TBC1D22A: variants seen among roughly 807,000 people sequenced by gnomAD.
The protein encoded by TBC1D22A is putative GTPase activator.
In TBC1D22A, 38 loss-of-function variants were observed where a neutral mutation model predicts 60.2. That is an observed-to-expected ratio of 0.63 (90% CI 0.49 to 0.83). The LOEUF is 0.83. TBC1D22A is among the 40% of genes least tolerant of loss of function. The pLI, the probability that TBC1D22A is intolerant of heterozygous loss-of-function variation, is 0.00. For synonymous variants in TBC1D22A, 302 were observed against 281.7 expected (o/e 1.07, Z -0.72); for missense variants, 628 against 701.0 (o/e 0.90, Z 1.18).
At chr22:46,904,100 T>TCAATCA (rs1181616506) in intron 7 of TBC1D22A, among the ~76,000 whole-genome samples, 4 of 48,548 alleles carry the variant, frequency 8.2e-5, no homozygotes, top group African/African-American at 2.0e-4. Flanking sequence ...AAATAAAATC[T>TCAATCA]ATCTATCTAT....
chr22:46,820,105 G>A (rs866543192), intron 4 of TBC1D22A, among the ~76,000 whole-genome samples: 17 of 152,032 alleles, frequency 1.1e-4, no homozygotes, highest in South Asian at 8.3e-4. Flanking sequence ...ACTTTTTATC[G>A]TGTCTCTTTG....
chr22:46,858,530 T>A (rs1441237709), intron 4 of TBC1D22A, among the ~76,000 whole-genome samples: 2 of 152,174 alleles, frequency 1.3e-5, no homozygotes, highest in Non-Finnish European at 2.9e-5. Flanking sequence ...ACGTTTCATG[T>A]TTATGATGAA....
At chr22:47,152,719 A>G (rs1411877730) in intron 12 of TBC1D22A, among the ~76,000 whole-genome samples, 1 of 152,242 alleles carries the variant, frequency 6.6e-6, no homozygotes, top group Non-Finnish European at 1.5e-5. Flanking sequence ...GTGATGAGAA[A>G]GGTGGCGTTT....
intron 4 of TBC1D22A, among the ~76,000 whole-genome samples, chr22:46,826,293 C>T (rs2086063420): frequency 6.6e-6 from 1 of 152,196 alleles, no homozygotes; most frequent in South Asian, 2.1e-4. Context: ...CCACACTTTC[C>T]TGGCCGCCCC....
intron 10 of TBC1D22A, among the ~76,000 whole-genome samples, chr22:47,011,085 A>G (rs1056729049): frequency 6.6e-6 from 1 of 152,130 alleles, no homozygotes; most frequent in Non-Finnish European, 1.5e-5. Context: ...CCATCCCCGT[A>G]CTCAGAGTCC....
intron 11 of TBC1D22A, among the ~76,000 whole-genome samples, chr22:47,098,738 CCT>C (rs1243160158): frequency 6.6e-6 from 1 of 152,238 alleles, no homozygotes; most frequent in African/African-American, 2.4e-5. Context: ...TCTGGAGGTT[CCT>C]CCCTGTTGCC....
chr22:47,038,703 C>A (rs569350799), intron 11 of TBC1D22A, among the ~76,000 whole-genome samples: 2 of 152,310 alleles, frequency 1.3e-5, no homozygotes, highest in East Asian at 3.9e-4. Flanking sequence ...GTCCTGTATT[C>A]TGACTTTGCT....
At chr22:46,816,039 G>C (rs1301664530) in intron 4 of TBC1D22A, among the ~76,000 whole-genome samples, 2 of 152,216 alleles carry the variant, frequency 1.3e-5, no homozygotes, top group East Asian at 3.8e-4. Flanking sequence ...TCATTTCCCT[G>C]CCTACAGTTC....
intron 11 of TBC1D22A, among the ~76,000 whole-genome samples, chr22:47,099,413 C>T (rs1253964653): frequency 6.6e-6 from 1 of 151,638 alleles, no homozygotes; most frequent in Non-Finnish European, 1.5e-5. Flanking sequence ...AGACAGTGAG[C>T]AGCCTCGTCC....
At chr22:47,001,724 C>G (rs2061417509) in intron 10 of TBC1D22A, among the ~76,000 whole-genome samples, 1 of 152,050 alleles carries the variant, frequency 6.6e-6, no homozygotes, top group South Asian at 2.1e-4. Flanking sequence ...TTTATATAAT[C>G]TTTTGGAATA....
chr22:46,782,772 G>C (rs2083996718), intron 1 of TBC1D22A, among the ~76,000 whole-genome samples: 1 of 152,120 alleles, frequency 6.6e-6, no homozygotes, highest in South Asian at 2.1e-4. Context: ...CATGTTGTCA[G>C]GATTCACCCA....
intron 9 of TBC1D22A, among the ~76,000 whole-genome samples, chr22:46,985,143 T>G (rs2074674578): frequency 6.6e-6 from 1 of 152,252 alleles, no homozygotes; most frequent in African/African-American, 2.4e-5. Flanking sequence ...ACTGGTCTGA[T>G]GCCCAGGAAG....
chr22:46,839,728 TA>T (rs1256828588), intron 4 of TBC1D22A, among the ~76,000 whole-genome samples: 1 of 152,250 alleles, frequency 6.6e-6, no homozygotes, highest in African/African-American at 2.4e-5. Flanking sequence ...AACAGTATGA[TA>T]TTGGCATAAA....
At chr22:46,802,082 C>A (rs1239179137) in intron 4 of TBC1D22A, among the ~76,000 whole-genome samples, 1 of 152,226 alleles carries the variant, frequency 6.6e-6, no homozygotes, top group Non-Finnish European at 1.5e-5. Context: ...GCTCAACCTA[C>A]CTGTTTCGTC....
intron 8 of TBC1D22A, among the ~76,000 whole-genome samples, chr22:46,964,330 T>C (rs902791543): frequency 6.6e-6 from 1 of 152,196 alleles, no homozygotes; most frequent in Non-Finnish European, 1.5e-5. Context: ...CTTCTGGGCA[T>C]GTGGAGGCCC....
intron 9 of TBC1D22A, among the ~76,000 whole-genome samples, chr22:46,979,546 T>C (rs1256559406): frequency 6.6e-6 from 1 of 152,232 alleles, no homozygotes; most frequent in East Asian, 1.9e-4. Flanking sequence ...CCCTCAGGCT[T>C]TCCGTGTTCT....
In TBC1D22A at chr22:47,147,471, G is replaced by T. The variant is rs553342516; in HGVS notation, c.1426-26027G>T. On this transcript the variant is annotated intron_variant, in intron 12 of 12. Coordinates refer to ENST00000337137, the MANE Select transcript of TBC1D22A (RefSeq NM_014346.5). ...TGGTGGTCTGTCGGAGGGCTCCCCAGGGGGCTGCGGTCCTCCAACACACAC... is the reference window on the plus strand; with the variant it reads ...TGGTGGTCTGTCGGAGGGCTCCCCATGGGGCTGCGGTCCTCCAACACACAC... Among the ~76,000 whole-genome samples, 548 of 152,312 alleles carry T rather than the reference G, an allele frequency of 3.6e-3. 1 individual carries two copies. Among genetic ancestry groups the T allele is most frequent in the Non-Finnish European group, 5.9e-3 (404 of 68,024 alleles).
chr22:46,884,691 T>G (rs2068023908), intron 5 of TBC1D22A, among the ~76,000 whole-genome samples: 1 of 152,126 alleles, frequency 6.6e-6, no homozygotes, highest in Non-Finnish European at 1.5e-5. Context: ...GGAAAACACA[T>G]AGTTGTGTTC....
intron 11 of TBC1D22A, among the ~76,000 whole-genome samples, chr22:47,063,726 C>A (rs979452393): frequency 6.6e-6 from 1 of 152,132 alleles, no homozygotes; most frequent in African/African-American, 2.4e-5. Context: ...GGGGTGTGGG[C>A]AGGGCTGGTT....
Sources: gnomAD v4.1 joint callset for allele counts (sites outside exome capture counted in the v4.1 genomes callset) on GRCh38, gnomAD v4.1.1 for gene constraint, MANE v1.5 for transcripts, NCBI Gene and HGNC (gene_info 2026-07-23, HGNC 2026-07-21) for gene names.